ASH1L: variants seen among roughly 807,000 people sequenced by gnomAD.
ASH1L encodes ASH1 like histone lysine methyltransferase, also known as histone-lysine N-methyltransferase ASH1L.
A neutral mutation model predicts 269.0 loss-of-function variants in ASH1L; 23 were observed. The observed-to-expected ratio is 0.09, with a 90% CI of 0.06 to 0.12. The LOEUF (loss-of-function observed/expected upper bound fraction) is 0.12, where lower values mean the gene tolerates loss of function less well. Among genes scored for constraint, ASH1L ranks in the 10% least tolerant of loss-of-function variants. The pLI is 1.00. For synonymous variants in ASH1L, 1,187 were observed against 1,253.5 expected (o/e 0.95, Z 1.12); for missense variants, 2,912 against 3,567.8 (o/e 0.82, Z 4.68).
chr1:155,526,699 A>C (rs1160752235), intron 1 of ASH1L, among the ~76,000 whole-genome samples: 2 of 152,182 alleles, frequency 1.3e-5, no homozygotes, highest in Non-Finnish European at 2.9e-5. Context: ...AAGTGCCACA[A>C]GTGCCCACCA....
At chr1:155,338,061 C>A (rs1652460352) in intron 27 of ASH1L, 28 bp downstream of exon 27, 1 of 1,603,316 alleles carries the variant, frequency 6.2e-7, no homozygotes, top group Admixed American at 1.7e-5. Context: ...TTATCTTAAA[C>A]CCTAGATATG....
chr1:155,352,297 C>CAAAAAAAAAAAAA (rs1281473342), intron 17 of ASH1L, among the ~76,000 whole-genome samples: 1 of 28,116 alleles, frequency 3.6e-5, no homozygotes, highest in Non-Finnish European at 7.6e-5. Context: ...ACCTCCATCT[C>CAAAAAAAAAAAAA]AAAAAAAAAA....
chr1:155,469,189 ATT>A (rs71991918), intron 3 of ASH1L, among the ~76,000 whole-genome samples: 1 of 146,640 alleles, frequency 6.8e-6, no homozygotes, highest in African/African-American at 2.5e-5. Context: ...TAATTAATTA[ATT>A]TTTTTTTTTT....
chr1:155,448,368 T>C (rs1218124702), intron 4 of ASH1L, among the ~76,000 whole-genome samples: 1 of 152,172 alleles, frequency 6.6e-6, no homozygotes, highest in South Asian at 2.1e-4. Flanking sequence ...TTGTTGTTGT[T>C]GTATTGAGAT....
At chr1:155,340,328 G>GCAT (rs1159406066) in intron 25 of ASH1L, among the ~76,000 whole-genome samples, 2 of 152,064 alleles carry the variant, frequency 1.3e-5, no homozygotes, top group Non-Finnish European at 2.9e-5. Context: ...GATTACAGGT[G>GCAT]CATGCCACCA....
chr1:155,340,773 CTTAA>C (rs1254537850), intron 25 of ASH1L, among the ~76,000 whole-genome samples: 23 of 148,632 alleles, frequency 1.5e-4, no homozygotes, highest in African/African-American at 5.9e-4. Context: ...TGCTTCTATA[CTTAA>C]TTTTTTTTTT....
upstream of ASH1L, chr1:155,563,051 A>G: frequency 2.2e-6 from 1 of 458,070 alleles, no homozygotes. Context: ...AGAATGGCGG[A>G]CCGAGCCCCA....
At chr1:155,420,444 T>C (rs1262859118) in intron 5 of ASH1L, among the ~76,000 whole-genome samples, 2 of 144,526 alleles carry the variant, frequency 1.4e-5, no homozygotes, top group Non-Finnish European at 3.0e-5. Context: ...AATACAGAAA[T>C]ATAATTTCTT....
chr1:155,511,872 G>C (rs1206667794), intron 2 of ASH1L, among the ~76,000 whole-genome samples: 2 of 151,624 alleles, frequency 1.3e-5, no homozygotes, highest in Admixed American at 1.3e-4. Flanking sequence ...GTGCAATGCC[G>C]GGATCTCGGC....
intron 6 of ASH1L, among the ~76,000 whole-genome samples, chr1:155,400,541 G>C (rs1009368859): frequency 6.6e-6 from 1 of 152,162 alleles, no homozygotes; most frequent in African/African-American, 2.4e-5. Flanking sequence ...TGAGGATCAA[G>C]GGTTGCCCAA....
At chr1:155,347,984 C>T (rs1006550544) in intron 19 of ASH1L, 80 bp from the exon 20 acceptor site, 192 of 1,569,954 alleles carry the variant, frequency 1.2e-4, no homozygotes, top group Non-Finnish European at 1.6e-4. Flanking sequence ...AGCAAGGTAG[C>T]ATGACTTTCT....
At chr1:155,522,085 A>G (rs1668925256) in intron 1 of ASH1L, among the ~76,000 whole-genome samples, 1 of 152,236 alleles carries the variant, frequency 6.6e-6, no homozygotes, top group Non-Finnish European at 1.5e-5. Flanking sequence ...TGCCTGCATC[A>G]ACATATCACG....
intron 6 of ASH1L, among the ~76,000 whole-genome samples, chr1:155,412,204 T>TG (rs1414592025): frequency 1.2e-4 from 18 of 149,884 alleles, no homozygotes; most frequent in African/African-American, 4.4e-4. Context: ...ATCTTGCCAC[T>TG]GCACCCCAGC....
chr1:155,423,193 C>G (rs1660854668), intron 5 of ASH1L, among the ~76,000 whole-genome samples: 1 of 151,604 alleles, frequency 6.6e-6, no homozygotes, highest in African/African-American at 2.4e-5. Context: ...AGGTGATCTA[C>G]CCACCTCGGC....
chr1:155,460,460 T>G (rs1030525881), intron 3 of ASH1L, among the ~76,000 whole-genome samples: 1 of 152,000 alleles, frequency 6.6e-6, no homozygotes, highest in Non-Finnish European at 1.5e-5. Context: ...ATACAAAAAT[T>G]AGCCAGGCAT....
intron 6 of ASH1L, among the ~76,000 whole-genome samples, chr1:155,403,879 C>T (rs1299009925): frequency 6.7e-6 from 1 of 150,270 alleles, no homozygotes; most frequent in Non-Finnish European, 1.5e-5. Flanking sequence ...CAATAAAGGC[C>T]GTTCCTACCA....
chr1:155,406,348 A>T (rs1216099621), intron 6 of ASH1L, among the ~76,000 whole-genome samples: 1 of 152,186 alleles, frequency 6.6e-6, no homozygotes, highest in Non-Finnish European at 1.5e-5. Context: ...AATAGCCAAA[A>T]CAATCTTGAA....
At chr1:155,363,952 G>C (rs1655183943) in intron 12 of ASH1L, among the ~76,000 whole-genome samples, 4 of 151,036 alleles carry the variant, frequency 2.6e-5, no homozygotes, top group African/African-American at 9.8e-5. Context: ...CAGCCTGGGC[G>C]ACAGAGCAAG....
At chr1:155,348,444 C>A (rs1193915706) in intron 19 of ASH1L, among the ~76,000 whole-genome samples, 1 of 151,948 alleles carries the variant, frequency 6.6e-6, no homozygotes, top group Non-Finnish European at 1.5e-5. Flanking sequence ...CAAGGCATGT[C>A]AAAATTACTG....
Sources: gnomAD v4.1 joint callset for allele counts (sites outside exome capture counted in the v4.1 genomes callset) on GRCh38, gnomAD v4.1.1 for gene constraint, MANE v1.5 for transcripts, NCBI Gene and HGNC (gene_info 2026-07-23, HGNC 2026-07-21) for gene names.